XIRP2: variants seen among roughly 807,000 people sequenced by gnomAD.
XIRP2 encodes the protein xin actin binding repeat containing 2.
In XIRP2, 236 loss-of-function variants were observed where a neutral mutation model predicts 277.0. The observed-to-expected ratio is 0.85, with a 90% CI of 0.77 to 0.95. XIRP2 has a LOEUF of 0.95. Ranked by LOEUF, XIRP2 falls within the 40% of genes least tolerant of loss-of-function variation. The pLI is 0.00. For synonymous variants in XIRP2, 1,490 were observed against 1,416.5 expected, an observed-to-expected ratio of 1.05 and a Z score of -1.17; for missense variants, 4,640 against 4,157.5, an observed-to-expected ratio of 1.12 and a Z score of -3.19.
chr2:167,072,277 GT>G (rs1689455544), intron 2 of XIRP2, among the ~76,000 whole-genome samples: 1 of 152,036 alleles, frequency 6.6e-6, no homozygotes, highest in African/African-American at 2.4e-5. Flanking sequence ...TTATGGGAGG[GT>G]ATATATAGAA....
rs78453442 is a variant in XIRP2 at position 167,249,897 on chromosome 2, A to G, written c.8505A>G (p.Leu2835=). Reference sequence around the variant, plus strand: ...TGATTGGTCGAAAAGAAGAGAGATTAATAACTGAAAGAAAACACGAACATC... The same window carrying G: ...TGATTGGTCGAAAAGAAGAGAGATTGATAACTGAAAGAAAACACGAACATC... ...PSMIGRKEER[L]ITERKHEHLK... The change falls in exon 9 of 11, where the codon TTA becomes TTG. Residue 2835 remains leucine (L), a synonymous_variant. Transcript: ENST00000409195. 5.5e-4 allele frequency: 892 copies of G among 1,613,500 alleles called. 4 individuals carry two copies. In the African/African-American group the frequency reaches 9.8e-3, roughly 18 times the overall value.
chr2:167,003,224 G>A (rs1330178703), intron 2 of XIRP2, among the ~76,000 whole-genome samples: 2 of 130,942 alleles, frequency 1.5e-5, no homozygotes, highest in Non-Finnish European at 3.2e-5. Context: ...GACTGGCATA[G>A]GTAGAAAAAA....
chr2:167,189,143 T>G (rs1559013259), intron 3 of XIRP2, among the ~76,000 whole-genome samples: 1 of 152,206 alleles, frequency 6.6e-6, no homozygotes, highest in African/African-American at 2.4e-5. Flanking sequence ...CTTAGTATTC[T>G]TTTTACTTAC....
At chr2:166,996,346 T>G (rs1687219480) in intron 2 of XIRP2, among the ~76,000 whole-genome samples, 1 of 152,206 alleles carries the variant, frequency 6.6e-6, no homozygotes, top group African/African-American at 2.4e-5. Flanking sequence ...AAATGTCTAG[T>G]TGGGCTGGGC....
chr2:167,032,653 C>T (rs993469705), intron 2 of XIRP2, among the ~76,000 whole-genome samples: 5 of 152,064 alleles, frequency 3.3e-5, no homozygotes, highest in Non-Finnish European at 7.4e-5. Context: ...ATAGACACTT[C>T]TCAAATTAAG....
chr2:167,243,990 G>A lies in XIRP2; in HGVS notation c.2598G>A (p.Glu866=). 1 of 1,613,980 alleles carries A rather than the reference G, an allele frequency of 6.2e-7. No individual in the cohort carries two copies. The highest frequency in any genetic ancestry group is 8.5e-7 in the Non-Finnish European group (1 of 1,179,910). Residue 866 remains glutamate (E), a synonymous_variant, in exon 9 of 11, where the codon GAG becomes GAA. Coordinates refer to ENST00000409195, the MANE Select transcript of XIRP2 (RefSeq NM_152381.6). ...VPDADSLQRE[E]IIGGDVQTTK... is the part of the protein sequence containing the mutation. ...ATGCAGATTCTCTACAACGTGAGGAGATAATAGGTGGTGATGTACAAACTA... is the reference window on the plus strand; with the variant it reads ...ATGCAGATTCTCTACAACGTGAGGAAATAATAGGTGGTGATGTACAAACTA...
At position 167,055,441 on chromosome 2, in the gene XIRP2, C is replaced by G. The variant is rs185693205; in HGVS notation, c.409-80468C>G. ...TTCCTTATAAGAAGATGCTTTTCAT[C>G]AAGGATATTATATGGGTCATTTCAT... On this transcript the variant is annotated intron_variant, in intron 2 of 10. Transcript: ENST00000409195. Among the ~76,000 whole-genome samples, 11 of 152,244 alleles carry G rather than the reference C, an allele frequency of 7.2e-5. No homozygotes were observed. The East Asian group carries it at 1.9e-3, about 27-fold the overall frequency.
chr2:166,970,877 A>G (rs1686559630), intron 2 of XIRP2, among the ~76,000 whole-genome samples: 1 of 151,984 alleles, frequency 6.6e-6, no homozygotes, highest in East Asian at 1.9e-4. Context: ...AATAATGAAA[A>G]CAACATAAAT....
chr2:167,070,799 AT>A (rs961488700), intron 2 of XIRP2, among the ~76,000 whole-genome samples: 16 of 151,954 alleles, frequency 1.1e-4, no homozygotes, highest in Non-Finnish European at 2.2e-4. Flanking sequence ...TGACTTTGGC[AT>A]TTTTTTTAAG....
rs372447003 is a variant in XIRP2, at chr2:167,251,530, T to C, written c.10138T>C (p.Ser3380Pro). 2 of 1,613,404 alleles carry C rather than the reference T, an allele frequency of 1.2e-6. No homozygotes were observed. Among genetic ancestry groups the C allele is most frequent in the African/African-American group, 1.3e-5 (1 of 74,846 alleles). The change falls in exon 9 of 11, where the codon TCT (serine) becomes CCT (proline). Residue 3380 changes from serine (S) to proline (P), a missense_variant. Transcript: ENST00000409195. The part of the protein sequence containing the change: ...TFCKEEFGLT[S>P]LGNTSFTDFS... Reference sequence around the variant, plus strand: ...TTGTAAGGAGGAATTTGGATTAACATCTTTAGGAAACACGAGTTTTACAGA... The same window carrying C: ...TTGTAAGGAGGAATTTGGATTAACACCTTTAGGAAACACGAGTTTTACAGA...
intron 3 of XIRP2, among the ~76,000 whole-genome samples, chr2:167,147,909 T>A (rs1319831715): frequency 6.6e-6 from 1 of 152,132 alleles, no homozygotes; most frequent in Non-Finnish European, 1.5e-5. Flanking sequence ...AAGCAGATGA[T>A]CAATCAAACC....
At chr2:167,117,926 C>A (rs190953490) in intron 2 of XIRP2, among the ~76,000 whole-genome samples, 6 of 152,250 alleles carry the variant, frequency 3.9e-5, no homozygotes, top group African/African-American at 1.4e-4. Flanking sequence ...GTCTCTTATA[C>A]CCTTTGTTCT....
At chr2:167,142,757 T>C (rs1369285253) in intron 3 of XIRP2, among the ~76,000 whole-genome samples, 2 of 152,060 alleles carry the variant, frequency 1.3e-5, no homozygotes, top group Non-Finnish European at 2.9e-5. Flanking sequence ...ACGTTAGAAG[T>C]TCACAAGTGC....
chr2:167,151,588 C>G (rs935339187), intron 3 of XIRP2, among the ~76,000 whole-genome samples: 2 of 152,168 alleles, frequency 1.3e-5, no homozygotes, highest in Non-Finnish European at 2.9e-5. Context: ...ATAAAACATC[C>G]TCTATGAATT....
chr2:166,895,292 C>T (rs1684214213), intron 1 of XIRP2, among the ~76,000 whole-genome samples: 1 of 152,160 alleles, frequency 6.6e-6, no homozygotes, highest in Non-Finnish European at 1.5e-5. Flanking sequence ...ATTGGTTAAT[C>T]CTGTGGCTTC....
intron 3 of XIRP2, among the ~76,000 whole-genome samples, chr2:167,156,008 G>A (rs1692185865): frequency 6.7e-6 from 1 of 150,302 alleles, no homozygotes; most frequent in Non-Finnish European, 1.5e-5. Flanking sequence ...TTGCTTCAAA[G>A]AGAATAAAAT....
chr2:166,924,346 C>A (rs748778806), intron 2 of XIRP2, among the ~76,000 whole-genome samples: 30 of 152,106 alleles, frequency 2.0e-4, no homozygotes, highest in Non-Finnish European at 2.2e-4. Context: ...ATTGTTAGCA[C>A]TCTGTGATAC....
chr2:166,966,859 C>A (rs191712855), intron 2 of XIRP2, among the ~76,000 whole-genome samples: 1 of 151,962 alleles, frequency 6.6e-6, no homozygotes, highest in Non-Finnish European at 1.5e-5. Context: ...TATCTTAGCA[C>A]CTTGCTATTC....
chr2:167,075,446 C>T (rs564739128), intron 2 of XIRP2, among the ~76,000 whole-genome samples: 6 of 152,278 alleles, frequency 3.9e-5, no homozygotes, highest in East Asian at 3.9e-4. Flanking sequence ...CATCAAGGCA[C>T]GTCATTTCTA....
Sources: gnomAD v4.1 joint callset for allele counts (sites outside exome capture counted in the v4.1 genomes callset) on GRCh38, gnomAD v4.1.1 for gene constraint, MANE v1.5 for transcripts, NCBI Gene and HGNC (gene_info 2026-07-23, HGNC 2026-07-21) for gene names.